The following PALLD variants were observed in gnomAD, a reference collection of about 807,000 sequenced individuals.
PALLD encodes the protein palladin.
A neutral mutation model predicts 123.5 loss-of-function variants in PALLD; 61 were observed. The ratio of observed to expected loss-of-function variants is 0.49; its 90% confidence interval spans 0.40 to 0.61. The LOEUF (loss-of-function observed/expected upper bound fraction) is 0.61. PALLD is among the 20% of genes least tolerant of loss of function. The pLI is 0.00. For missense variants in PALLD, 1,273 were observed against 1,377.0 expected, an observed-to-expected ratio of 0.92 and a Z score of 1.20; for synonymous variants, 465 against 496.4, an observed-to-expected ratio of 0.94 and a Z score of 0.84.
chr4:168,824,274 T>A (rs935625633), intron 10 of PALLD, among the ~76,000 whole-genome samples: 3 of 152,052 alleles, frequency 2.0e-5, no homozygotes, highest in African/African-American at 7.3e-5. Flanking sequence ...TACATTTTTT[T>A]ATTTTTTTAT....
intron 10 of PALLD, among the ~76,000 whole-genome samples, chr4:168,822,575 C>CT (rs1455278237): frequency 6.6e-6 from 1 of 152,192 alleles, no homozygotes; most frequent in Non-Finnish European, 1.5e-5. Context: ...CTTCCAAGTG[C>CT]TTCAGGGATT....
intron 2 of PALLD, among the ~76,000 whole-genome samples, chr4:168,633,759 G>C (rs1776064509): frequency 6.6e-6 from 1 of 152,054 alleles, no homozygotes; most frequent in South Asian, 2.1e-4. Flanking sequence ...TCCCACTTAA[G>C]CAATTATTGT....
intron 10 of PALLD, among the ~76,000 whole-genome samples, chr4:168,881,059 C>T (rs1752542324): frequency 6.6e-6 from 1 of 152,096 alleles, no homozygotes; most frequent in Admixed American, 6.5e-5. Flanking sequence ...TGTGGGCCAT[C>T]ACGTCCGTCT....
At chr4:168,901,217 A>G (rs1302820475) in intron 14 of PALLD, among the ~76,000 whole-genome samples, 1 of 152,218 alleles carries the variant, frequency 6.6e-6, no homozygotes. Context: ...TAGGATTGTT[A>G]AAGTATGGAA....
At chr4:168,800,818 A>G (rs749585894) in intron 10 of PALLD, among the ~76,000 whole-genome samples, 2 of 152,222 alleles carry the variant, frequency 1.3e-5, no homozygotes, top group Admixed American at 1.3e-4. Flanking sequence ...CCAAATGTAC[A>G]TAGCAGCCCT....
chr4:168,540,360 G>A (rs1765499226), intron 2 of PALLD, among the ~76,000 whole-genome samples: 1 of 152,132 alleles, frequency 6.6e-6, no homozygotes, highest in Non-Finnish European at 1.5e-5. Context: ...TTTGATTTGT[G>A]CCTGTTACAG....
Position 168,521,483 on chromosome 4 carries a change from A to C in PALLD, c.908+9071A>C, listed in dbSNP as rs75420163. On this transcript the variant is annotated intron_variant, in intron 2 of 21. Transcript: ENST00000505667. ...AGAAAGAGTTTAAAACTGTTAGCACATTGTAGTGTCTTAATAAATATTAAT... is the reference window on the plus strand; with the variant it reads ...AGAAAGAGTTTAAAACTGTTAGCACCTTGTAGTGTCTTAATAAATATTAAT... 1.9e-4 allele frequency among the ~76,000 whole-genome samples: 29 copies of C among 152,352 alleles called. 1 individual carries two copies. In the East Asian group the frequency reaches 5.6e-3, roughly 29 times the overall value.
chr4:168,894,808 A>G (rs1754765200), intron 12 of PALLD, 131 bp downstream of exon 12: 4 of 1,455,804 alleles, frequency 2.7e-6, no homozygotes, highest in South Asian at 2.5e-5. Context: ...CAGTATTAAT[A>G]TCATCAGTCA....
At chr4:168,573,550 C>T (rs535304825) in intron 2 of PALLD, among the ~76,000 whole-genome samples, 1 of 152,182 alleles carries the variant, frequency 6.6e-6, no homozygotes. Context: ...AAATACCCTT[C>T]TGGTTTTTAT....
In PALLD at chr4:168,513,040, C is replaced by T. The variant is rs151240345; in HGVS notation, c.908+628C>T. ...TTTACCCATGTAACAAACCTGCACA[C>T]GTATCCCCGAATGTAAAAGTTGGAA... is the stretch of plus-strand genomic sequence containing the variant. On this transcript the variant is annotated intron_variant, in intron 2 of 21. Coordinates refer to ENST00000505667, the MANE Select transcript of PALLD (RefSeq NM_001166108.2). 1.3e-4 allele frequency among the ~76,000 whole-genome samples: 19 copies of T among 150,762 alleles called. No individual in the cohort carries two copies. In the East Asian group the frequency reaches 2.9e-3, roughly 23 times the overall value.
chr4:168,576,944 A>T (rs1310185843), intron 2 of PALLD, among the ~76,000 whole-genome samples: 1 of 152,136 alleles, frequency 6.6e-6, no homozygotes, highest in African/African-American at 2.4e-5. Flanking sequence ...GCTGGAGAGG[A>T]TGTGGAGAAA....
chr4:168,854,161 GTCATTCATTCATTCAT>G lies in PALLD; in HGVS notation c.1965-36744_1965-36729del, dbSNP rs35153183. 5.3e-5 allele frequency among the ~76,000 whole-genome samples: 8 copies of G among 151,372 alleles called. No homozygotes were observed. In the East Asian group the frequency reaches 1.6e-3, roughly 30 times the overall value. On this transcript the variant is annotated intron_variant, in intron 10 of 21. Transcript: ENST00000505667. Reference sequence around the variant, plus strand: ...ACTACTGCCTCTGTTTACTCATGGAGTCATTCATTCATTCATTCATTCATTCATTCATGGATGGTAT... The same window carrying G: ...ACTACTGCCTCTGTTTACTCATGGAGTCATTCATTCATTCATGGATGGTAT...
At chr4:168,671,142 C>CAT (rs1040475242) in intron 3 of PALLD, among the ~76,000 whole-genome samples, 1 of 151,764 alleles carries the variant, frequency 6.6e-6, no homozygotes, top group African/African-American at 2.4e-5. Flanking sequence ...TATATAAAAT[C>CAT]ATATATATAC....
intron 21 of PALLD, 38 bp from the exon 22 acceptor site, chr4:168,926,175 C>G: frequency 6.9e-7 from 1 of 1,457,116 alleles, no homozygotes; most frequent in Non-Finnish European, 9.1e-7. Context: ...CCAAGTATAT[C>G]TTGATTAAAA....
At position 168,925,258 on chromosome 4, in the gene PALLD, A is replaced by T. The variant is rs1458891484; in HGVS notation, c.*12A>T. The T allele has an allele frequency of 1.2e-6, 2 of 1,608,612 alleles. No individual in the cohort carries two copies. The highest frequency in any genetic ancestry group is 1.7e-6 in the Non-Finnish European group (2 of 1,174,940). ...TTTCTCGACATTAATAGTGAACCACACCAGGAGAACAAATACCCAAGTATC... is the reference window on the plus strand; with the variant it reads ...TTTCTCGACATTAATAGTGAACCACTCCAGGAGAACAAATACCCAAGTATC... On this transcript the variant is annotated 3_prime_UTR_variant, in exon 21 of 22. Transcript: ENST00000505667.
intron 10 of PALLD, among the ~76,000 whole-genome samples, chr4:168,889,282 A>C (rs1581925650): frequency 1.4e-5 from 2 of 147,522 alleles, no homozygotes; most frequent in African/African-American, 5.0e-5. Flanking sequence ...TCATACCCCA[A>C]CCTCCCAAGT....
At chr4:168,775,781 T>C (rs1380856616) in intron 10 of PALLD, among the ~76,000 whole-genome samples, 2 of 152,216 alleles carry the variant, frequency 1.3e-5, no homozygotes, top group Non-Finnish European at 2.9e-5. Context: ...CAGCACCATT[T>C]GTTGAAAAGA....
chr4:168,640,569 C>CATT (rs1462051536), intron 2 of PALLD, among the ~76,000 whole-genome samples: 1 of 152,206 alleles, frequency 6.6e-6, no homozygotes, highest in East Asian at 1.9e-4. Flanking sequence ...AGCTAAGGGT[C>CATT]ATTACATGGG....
chr4:168,801,424 G>A (rs897350205), intron 10 of PALLD, among the ~76,000 whole-genome samples: 6 of 151,962 alleles, frequency 3.9e-5, no homozygotes, highest in African/African-American at 9.7e-5. Flanking sequence ...GATTATAGGC[G>A]CATGCCACCA....
Sources: allele counts gnomAD v4.1 joint callset (sites outside exome capture counted in the v4.1 genomes callset), GRCh38; gene constraint gnomAD v4.1.1; transcripts MANE v1.5; gene names NCBI Gene and HGNC (gene_info 2026-07-23, HGNC 2026-07-21).